DAB1: variants seen among roughly 807,000 people sequenced by gnomAD.
DAB1 encodes DAB adaptor protein 1, also known as disabled homolog 1.
Under a neutral mutation model 64.6 loss-of-function variants are expected in DAB1, and 15 were observed. That is an observed-to-expected ratio of 0.23 (90% CI 0.16 to 0.36). DAB1 has a LOEUF of 0.36. Among genes scored for constraint, DAB1 ranks in the 10% least tolerant of loss-of-function variants. The pLI is 1.00. For synonymous variants in DAB1, 235 were observed against 251.9 expected, an observed-to-expected ratio of 0.93 and a Z score of 0.64; for missense variants, 596 against 706.7, an observed-to-expected ratio of 0.84 and a Z score of 1.78.
At chr1:58,012,633 T>C (rs1570224531) in intron 5 of DAB1, among the ~76,000 whole-genome samples, 2 of 152,266 alleles carry the variant, frequency 1.3e-5, no homozygotes, top group Non-Finnish European at 2.9e-5. Flanking sequence ...TTAGTGCCCT[T>C]GTAAGAACAG....
chr1:57,043,788 A>C (rs1648107594), intron 9 of DAB1, among the ~76,000 whole-genome samples: 1 of 152,154 alleles, frequency 6.6e-6, no homozygotes, highest in Non-Finnish European at 1.5e-5. Context: ...TGGAGGTTAC[A>C]GTGAGCCGAG....
chr1:57,398,734 G>C (rs1032602472), intron 1 of DAB1, among the ~76,000 whole-genome samples: 3 of 152,192 alleles, frequency 2.0e-5, no homozygotes, highest in Non-Finnish European at 4.4e-5. Context: ...CTCCCCAAAC[G>C]TCTTAACAAC....
At chr1:57,958,221 A>G (rs1050399503) in intron 5 of DAB1, among the ~76,000 whole-genome samples, 1 of 151,892 alleles carries the variant, frequency 6.6e-6, no homozygotes, top group African/African-American at 2.4e-5. Flanking sequence ...CAAGTGATCC[A>G]CCTGCCTCGG....
chr1:58,261,286 T>A (rs753988780), intron 4 of DAB1, among the ~76,000 whole-genome samples: 1 of 151,988 alleles, frequency 6.6e-6, no homozygotes, highest in Non-Finnish European at 1.5e-5. Context: ...AACCAAAGTG[T>A]CAACTATATT....
In DAB1 at chr1:57,915,886, C is replaced by T. The variant is rs1334565762; in HGVS notation, n.388-31724G>A. On this transcript the variant is annotated intron_variant and non_coding_transcript_variant, in intron 5 of 20. Transcript: ENST00000485760. ...TCTTTGCAGCCAAGCCTGCCATCAACCAGAAACAGCATGATGGTACTCTGT... is the reference window on the plus strand; with the variant it reads ...TCTTTGCAGCCAAGCCTGCCATCAATCAGAAACAGCATGATGGTACTCTGT... Among the ~76,000 whole-genome samples, 6 of 152,096 alleles carry T rather than the reference C, an allele frequency of 3.9e-5. No homozygotes were observed. In the East Asian group the frequency reaches 1.2e-3, roughly 29 times the overall value.
intron 4 of DAB1, among the ~76,000 whole-genome samples, chr1:58,225,759 A>G (rs1202371537): frequency 7.1e-6 from 1 of 140,728 alleles, no homozygotes; most frequent in African/African-American, 2.6e-5. Flanking sequence ...GGAATTGAAC[A>G]ATGAGAACAC....
At chr1:58,490,530 C>G (rs1200316959) in intron 3 of DAB1, among the ~76,000 whole-genome samples, 1 of 152,138 alleles carries the variant, frequency 6.6e-6, no homozygotes, top group Non-Finnish European at 1.5e-5. Flanking sequence ...AGGATATTAT[C>G]CAAGAGAACT....
chr1:57,174,735 A>G (rs554497578), intron 2 of DAB1, among the ~76,000 whole-genome samples: 1 of 152,060 alleles, frequency 6.6e-6, no homozygotes, highest in African/African-American at 2.4e-5. Context: ...TGCTGGCTCT[A>G]CTCCGAACAG....
intron 4 of DAB1, among the ~76,000 whole-genome samples, chr1:58,216,217 C>T (rs1226125384): frequency 6.6e-6 from 1 of 151,800 alleles, no homozygotes; most frequent in Non-Finnish European, 1.5e-5. Flanking sequence ...GTGTGATGTT[C>T]CCCCGACTGT....
At chr1:57,183,882 G>A (rs1193611393) in intron 2 of DAB1, among the ~76,000 whole-genome samples, 1 of 152,150 alleles carries the variant, frequency 6.6e-6, no homozygotes. Context: ...GGATGGGAAA[G>A]GAAGAATCAT....
intron 1 of DAB1, among the ~76,000 whole-genome samples, chr1:57,385,767 G>C (rs1681759414): frequency 6.6e-6 from 1 of 152,162 alleles, no homozygotes; most frequent in African/African-American, 2.4e-5. Flanking sequence ...CTAGCCATGT[G>C]GTAGTGTTAC....
chr1:57,068,560 A>T (rs994207824), intron 8 of DAB1, among the ~76,000 whole-genome samples: 10 of 152,128 alleles, frequency 6.6e-5, no homozygotes, highest in Admixed American at 3.3e-4. Context: ...AATACATCAA[A>T]TTTTTTTTCT....
intron 4 of DAB1, among the ~76,000 whole-genome samples, chr1:58,219,162 C>T (rs1378111425): frequency 1.3e-5 from 2 of 152,096 alleles, no homozygotes; most frequent in Non-Finnish European, 1.5e-5. Context: ...GGCTCCTCCT[C>T]TGTCTACGGG....
intron 2 of DAB1, among the ~76,000 whole-genome samples, chr1:57,259,861 AT>A (rs1335585255): frequency 5.9e-5 from 9 of 152,200 alleles, no homozygotes; most frequent in Non-Finnish European, 1.0e-4. Context: ...AGCTTTCCAG[AT>A]AATTGTTGTT....
intron 7 of DAB1, among the ~76,000 whole-genome samples, chr1:57,593,581 TTAC>T (rs1645471417): frequency 6.6e-6 from 1 of 152,196 alleles, no homozygotes; most frequent in African/African-American, 2.4e-5. Context: ...ATAGTATACT[TTAC>T]ATATATGCAG....
chr1:57,585,428 C>G (rs1300720449), intron 7 of DAB1, among the ~76,000 whole-genome samples: 3 of 152,154 alleles, frequency 2.0e-5, no homozygotes, highest in Non-Finnish European at 4.4e-5. Flanking sequence ...TCTATATATG[C>G]ATGTAGATTT....
chr1:58,344,463 C>T (rs924332198), intron 3 of DAB1, among the ~76,000 whole-genome samples: 1 of 151,952 alleles, frequency 6.6e-6, no homozygotes, highest in Non-Finnish European at 1.5e-5. Context: ...TCAGATGAAA[C>T]GAGGGCTCAT....
chr1:57,019,958 G>T (rs773579197), intron 11 of DAB1, among the ~76,000 whole-genome samples: 1 of 152,212 alleles, frequency 6.6e-6, no homozygotes, highest in Non-Finnish European at 1.5e-5. Flanking sequence ...CACTAAAAAC[G>T]AAGGAACTCC....
chr1:57,641,354 G>C (rs559846283), intron 7 of DAB1, among the ~76,000 whole-genome samples: 1 of 145,950 alleles, frequency 6.9e-6, no homozygotes, highest in African/African-American at 2.5e-5. Context: ...TGAAACTCTT[G>C]CCCAGTTCCC....
Sources: allele counts gnomAD v4.1 joint callset (sites outside exome capture counted in the v4.1 genomes callset), GRCh38; gene constraint gnomAD v4.1.1; transcripts MANE v1.5; gene names NCBI Gene and HGNC (gene_info 2026-07-23, HGNC 2026-07-21).